The following INTS3 variants were observed in gnomAD, a reference collection of about 807,000 sequenced individuals.
The protein encoded by INTS3 is integrator complex subunit 3.
A neutral mutation model predicts 146.3 loss-of-function variants in INTS3; 34 were observed. That is an observed-to-expected ratio of 0.23 (90% CI 0.18 to 0.31). The LOEUF is 0.31. Ranked by LOEUF, INTS3 falls within the 10% of genes least tolerant of loss-of-function variation. The probability of loss-of-function intolerance (pLI) is 1.00; values close to 1 mark genes in which losing one functional copy is unlikely to be tolerated. For synonymous variants in INTS3, 475 were observed against 494.9 expected (o/e 0.96, Z 0.53); for missense variants, 757 against 1,304.2 (o/e 0.58, Z 6.46).
Position 153,773,556 on chromosome 1 carries a change from G to T in INTS3, c.*286G>T. ...TCTGTAAAATCAGACCATAGTGGAA[G>T]TCCTCAGCCCCCTGGCCCCTTCCGC... On this transcript the variant is annotated 3_prime_UTR_variant, in exon 30 of 30. Transcript: ENST00000318967. The T allele has an allele frequency of 1.8e-6, 1 of 543,162 alleles. No individual in the cohort carries two copies. The highest frequency in any genetic ancestry group is 3.4e-6 in the Non-Finnish European group (1 of 295,398). The allele number at this position is 543,162 out of a possible 1,614,324, so 33.6% of individuals were successfully genotyped here. A position where few individuals can be genotyped will look rare whatever the true frequency, so the allele number is the denominator to read the frequency against.
chr1:153,759,698 A>C, intron 11 of INTS3, 85 bp downstream of exon 11: 2 of 875,296 alleles, frequency 2.3e-6, no homozygotes, highest in Non-Finnish European at 3.8e-6. Flanking sequence ...CATAAATCTC[A>C]GGGCACCGTG....
chr1:153,734,967 T>TTTTTG (rs1257929415), intron 1 of INTS3, among the ~76,000 whole-genome samples: 1 of 151,966 alleles, frequency 6.6e-6, no homozygotes, highest in Non-Finnish European at 1.5e-5. Context: ...AATTGAATAG[T>TTTTTG]TTTTGTTTTG....
rs768519351 is a variant in INTS3, at chr1:153,731,607, G to T, written c.150+2823G>T. 2.8e-4 allele frequency among the ~76,000 whole-genome samples: 39 copies of T among 138,462 alleles called. No homozygotes were observed. In the East Asian group the frequency reaches 3.7e-3, roughly 13 times the overall value. The allele number at this position is 138,462 out of a possible 152,430, so 90.8% of individuals were successfully genotyped here. ...TTTTTTTTTTTTTTTTTTTGAGATG[G>T]AGTCTCACTCTGTCGCCCAGGCTGG... On this transcript the variant is annotated intron_variant, in intron 1 of 29. Coordinates refer to ENST00000318967, the MANE Select transcript of INTS3 (RefSeq NM_023015.5).
At chr1:153,746,453 T>A (rs892993980) in intron 3 of INTS3, among the ~76,000 whole-genome samples, 1 of 149,578 alleles carries the variant, frequency 6.7e-6, no homozygotes, top group East Asian at 2.0e-4. Context: ...CAGGCTAGAG[T>A]GCAGTGGCGC....
intron 25 of INTS3, among the ~76,000 whole-genome samples, chr1:153,771,032 G>A (rs577519275): frequency 2.8e-5 from 4 of 144,582 alleles, no homozygotes; most frequent in Non-Finnish European, 6.1e-5. Context: ...CCTGCTCCCC[G>A]CCGCGCCCCC....
intron 1 of INTS3, among the ~76,000 whole-genome samples, chr1:153,734,575 T>C (rs1671217955): frequency 6.6e-6 from 1 of 152,180 alleles, no homozygotes; most frequent in Non-Finnish European, 1.5e-5. Context: ...ACCCATAGAA[T>C]TGACTCAGGC....
At chr1:153,763,941 A>C in intron 17 of INTS3, 55 bp downstream of exon 17, 1 of 1,535,646 alleles carries the variant, frequency 6.5e-7, no homozygotes, top group Non-Finnish European at 9.0e-7. Context: ...CTTAGCTTAC[A>C]CGTCTCCCAG....
At chr1:153,759,481 G>A (rs1672294322) in intron 10 of INTS3, 45 bp from the exon 11 acceptor site, 1 of 1,248,964 alleles carries the variant, frequency 8.0e-7, no homozygotes, top group Non-Finnish European at 1.2e-6. Context: ...ATGGAGGGGG[G>A]TGATTGATGA....
chr1:153,744,130 G>A (rs145223595), intron 3 of INTS3, among the ~76,000 whole-genome samples: 96 of 150,248 alleles, frequency 6.4e-4, no homozygotes, highest in African/African-American at 2.2e-3. Flanking sequence ...CACAGAGGTC[G>A]GTAACACAAC....
At chr1:153,742,176 A>G (rs2101789853) in intron 3 of INTS3, among the ~76,000 whole-genome samples, 1 of 152,326 alleles carries the variant, frequency 6.6e-6, no homozygotes, top group South Asian at 2.1e-4. Context: ...TTCTGATGCC[A>G]GCTGGAATAG....
At chr1:153,755,401 T>C (rs1358095941) in intron 9 of INTS3, among the ~76,000 whole-genome samples, 1 of 152,104 alleles carries the variant, frequency 6.6e-6, no homozygotes, top group Non-Finnish European at 1.5e-5. Flanking sequence ...GTAGCTAGGA[T>C]TACAGGCATG....
Position 153,768,765 on chromosome 1 carries a change from G to C in INTS3, c.2245-128G>C, listed in dbSNP as rs551042769. 30 of 699,054 alleles carry C rather than the reference G, an allele frequency of 4.3e-5. No individual in the cohort carries two copies. In the East Asian group the frequency reaches 7.3e-4, roughly 17 times the overall value. 43.3% of individuals were successfully genotyped at this position (699,054 alleles called of 1,614,324 possible). A position where few individuals can be genotyped will look rare whatever the true frequency, so the allele number is the denominator to read the frequency against. On this transcript the variant is annotated intron_variant, in intron 21 of 29. Coordinates refer to ENST00000318967, the MANE Select transcript of INTS3 (RefSeq NM_023015.5). ...CATAGCTGTTGGATCTCTGTTTAGG[G>C]GTTTATTTTAGGGCCTGTGTCTGGC...
intron 8 of INTS3, 143 bp from the exon 9 acceptor site, chr1:153,754,499 T>G: frequency 1.4e-6 from 1 of 710,340 alleles, no homozygotes; most frequent in Non-Finnish European, 2.6e-6. Flanking sequence ...CCACCTGTGC[T>G]TGACCTCCCT....
At position 153,763,591 on chromosome 1, in the gene INTS3, T is replaced by C. The variant is rs1197435539; in HGVS notation, c.1766+229T>C. Among the ~76,000 whole-genome samples, 3 of 152,182 alleles carry C rather than the reference T, an allele frequency of 2.0e-5. No homozygotes were observed. The East Asian group carries it at 5.8e-4, about 29-fold the overall frequency. The stretch of plus-strand genomic sequence containing the variant: ...CCTTGAGTTCCCACTCTGCAGATTC[T>C]TGGGAGAAGAACCTCTGAGAACCAA... On this transcript the variant is annotated intron_variant, in intron 16 of 29. Coordinates refer to ENST00000318967, the MANE Select transcript of INTS3 (RefSeq NM_023015.5).
chr1:153,766,375 G>T (rs1672583687), intron 20 of INTS3: 1 of 152,068 alleles, frequency 6.6e-6, no homozygotes, highest in Non-Finnish European at 1.5e-5. Flanking sequence ...GCAGCTCATT[G>T]CAACCTCCGC....
chr1:153,751,614 G>A (rs1671959134), intron 7 of INTS3, among the ~76,000 whole-genome samples: 1 of 152,132 alleles, frequency 6.6e-6, no homozygotes, highest in Non-Finnish European at 1.5e-5. Context: ...CTCCCATGTG[G>A]CAATTAAAAA....
rs1404452855 is a variant in INTS3 at position 153,770,673 on chromosome 1, C to T, written c.2504-12C>T. 1 of 1,612,438 alleles carries T rather than the reference C, an allele frequency of 6.2e-7. No individual in the cohort carries two copies. The highest frequency in any genetic ancestry group is 2.2e-5 in the East Asian group (1 of 44,868). On this transcript the variant is annotated splice_polypyrimidine_tract_variant and intron_variant, in intron 24 of 29. Transcript: ENST00000318967. Reference sequence around the variant, plus strand: ...ACCTTCCCCCTGAACAGCCTCTGCCCTTCCCTCACAGAGCACCCAGAGGCC... The same window carrying T: ...ACCTTCCCCCTGAACAGCCTCTGCCTTTCCCTCACAGAGCACCCAGAGGCC...
At chr1:153,734,675 C>T (rs899754706) in intron 1 of INTS3, among the ~76,000 whole-genome samples, 1 of 152,194 alleles carries the variant, frequency 6.6e-6, no homozygotes. Flanking sequence ...GCTGGAGGCT[C>T]AGCTAGCCCT....
At chr1:153,759,980 T>C (rs1250144651) in intron 11 of INTS3, 1 of 495,086 alleles carries the variant, frequency 2.0e-6, no homozygotes, top group Non-Finnish European at 3.6e-6. Context: ...GCCTGTCTGC[T>C]CTTGGGTCTG....
Sources: gnomAD v4.1 joint callset for allele counts (sites outside exome capture counted in the v4.1 genomes callset) on GRCh38, gnomAD v4.1.1 for gene constraint, MANE v1.5 for transcripts, NCBI Gene and HGNC (gene_info 2026-07-23, HGNC 2026-07-21) for gene names.